The following GPR162 variants were observed in gnomAD, a reference collection of about 807,000 sequenced individuals.
The protein encoded by GPR162 is probable G protein-coupled receptor 162.
A neutral mutation model predicts 44.9 loss-of-function variants in GPR162; 26 were observed. The ratio of observed to expected loss-of-function variants is 0.58; its 90% CI spans 0.42 to 0.80. The LOEUF is 0.80. Ranked by LOEUF, GPR162 falls within the 30% of genes least tolerant of loss-of-function variation. The pLI is 0.00. For synonymous variants in GPR162, 363 were observed against 335.2 expected (o/e 1.08, Z -0.91); for missense variants, 704 against 802.3 (o/e 0.88, Z 1.48).
At position 6,826,372 on chromosome 12, in the gene GPR162, C is replaced by T. The variant is rs1555120073; in HGVS notation, c.1215+19C>T. The T allele has an allele frequency of 1.9e-6, 3 of 1,596,448 alleles. No homozygotes were observed. The highest frequency in any genetic ancestry group is 1.7e-5 in the Admixed American group (1 of 58,682). Reference sequence around the variant, plus strand: ...CTTACAGGTATGGAACTGGGGGATACATCTCCTACCCTTGGTGCCGCTCAT... The same window carrying T: ...CTTACAGGTATGGAACTGGGGGATATATCTCCTACCCTTGGTGCCGCTCAT... On this transcript the variant is annotated intron_variant, in intron 4 of 4. Transcript: ENST00000311268.
At chr12:6,826,069 C>T in intron 3 of GPR162, 127 bp from the exon 4 acceptor site, 1 of 711,528 alleles carries the variant, frequency 1.4e-6, no homozygotes, top group Non-Finnish European at 2.4e-6. Context: ...TAGCCACTCT[C>T]ACTGTCCTCT....
At position 6,823,530 on chromosome 12, in the gene GPR162, T is replaced by G; in HGVS notation, c.-369T>G. ...GGGCATCCAGAAGATTCCTGACTGG[T>G]CAAGAACCAGAGGCAAAAGAGACCT... On this transcript the variant is annotated 5_prime_UTR_variant, in exon 2 of 5. Coordinates refer to ENST00000311268, the MANE Select transcript of GPR162 (RefSeq NM_019858.2). 1 of 503,518 alleles carries G rather than the reference T, an allele frequency of 2.0e-6. No individual in the cohort carries two copies. Among genetic ancestry groups the G allele is most frequent in the East Asian group, 3.1e-5 (1 of 31,784 alleles). The allele number at this position is 503,518 out of a possible 1,614,324, so 31.2% of individuals were successfully genotyped here.
In GPR162 at chr12:6,822,011, C is replaced by G. The variant is rs782767869; in HGVS notation, c.-432+111C>G. 1 of 152,650 alleles carries G rather than the reference C, an allele frequency of 6.6e-6. No individual in the cohort carries two copies. Among genetic ancestry groups the G allele is most frequent in the African/African-American group, 2.4e-5 (1 of 41,508 alleles). 9.5% of individuals were successfully genotyped at this position (152,650 alleles called of 1,614,324 possible). ...TCCCCAGCCACCTGCTGTTTCTGCCCTGGAGAACCTGGAGGGGGACAGGAG... is the reference window on the plus strand; with the variant it reads ...TCCCCAGCCACCTGCTGTTTCTGCCGTGGAGAACCTGGAGGGGGACAGGAG... On this transcript the variant is annotated intron_variant, in intron 1 of 4. Transcript: ENST00000311268. The surrounding 1 kb of genome is among the most constrained non-coding windows in gnomAD (Gnocchi z 4.2).
rs782451355 is a variant in GPR162 at position 6,822,700 on chromosome 12, C to T, written c.-431-768C>T. On this transcript the variant is annotated intron_variant, in intron 1 of 4. Coordinates refer to ENST00000311268, the MANE Select transcript of GPR162 (RefSeq NM_019858.2). The surrounding 1 kb of genome is among the most constrained non-coding windows in gnomAD (Gnocchi z 4.2). ...TGAACATTTGGCTTTTCTTCTCAGC[C>T]TCCTATTCCCTGCTCCCTCCCTCCC... Among the ~76,000 whole-genome samples the T allele has an allele frequency of 1.3e-5, 2 of 152,232 alleles. No individual in the cohort carries two copies. The highest frequency in any genetic ancestry group is 2.1e-4 in the South Asian group (1 of 4,806).
chr12:6,826,344 C>A lies in GPR162; in HGVS notation c.1206C>A (p.His402Gln). Residue 402 changes from histidine to glutamine, a missense_variant, in exon 4 of 5, where the codon CAC becomes CAA. His to Gln is a conservative substitution (Grantham distance 24). Transcript: ENST00000311268. ...HMLFPPLERV[H>Q]YLQVPLSRRL... ...TCTTCCCTCCTCTTGAGAGAGTCCACTACTTACAGGTATGGAACTGGGGGA... is the reference window on the plus strand; with the variant it reads ...TCTTCCCTCCTCTTGAGAGAGTCCAATACTTACAGGTATGGAACTGGGGGA... 6.2e-7 allele frequency: 1 copy of A among 1,612,640 alleles called. No individual in the cohort carries two copies. Among genetic ancestry groups the A allele is most frequent in the Non-Finnish European group, 8.5e-7 (1 of 1,179,494 alleles).
At position 6,825,597 on chromosome 12, in the gene GPR162, C is replaced by A. The variant is rs782715686; in HGVS notation, c.981C>A (p.Cys327Ter). 6.3e-7 allele frequency: 1 copy of A among 1,599,284 alleles called. No individual in the cohort carries two copies. The highest frequency in any genetic ancestry group is 8.5e-7 in the Non-Finnish European group (1 of 1,173,126). The change falls in exon 3 of 5, where the codon TGC becomes TGA. Residue 327 changes from cysteine to a stop codon, truncating the protein, a stop_gained. Coordinates refer to ENST00000311268, the MANE Select transcript of GPR162 (RefSeq NM_019858.2). LOFTEE classifies it high-confidence loss of function. ...TGCTGCCCTCCTTCATCTGGTCCTG[C>A]GAGCGCTACCGCGCCGACGTGCGCA... is the stretch of plus-strand genomic sequence containing the variant. ...TLLLPSFIWSCERYRADVRTV... is the reference protein window; with the variant it reads ...TLLLPSFIWS
chr12:6,822,139 T>G lies in GPR162; in HGVS notation c.-432+239T>G, dbSNP rs1202186072. On this transcript the variant is annotated intron_variant, in intron 1 of 4. Transcript: ENST00000311268. The surrounding 1 kb of genome is among the most constrained non-coding windows in gnomAD (Gnocchi z 4.2). ...TTCCCACCTTCCTCTGATCTCTCCCTGTCCTTCACCTCCCTCTCTCTGTCC... is the reference window on the plus strand; with the variant it reads ...TTCCCACCTTCCTCTGATCTCTCCCGGTCCTTCACCTCCCTCTCTCTGTCC... Among the ~76,000 whole-genome samples, 1 of 152,126 alleles carries G rather than the reference T, an allele frequency of 6.6e-6. No homozygotes were observed. Among genetic ancestry groups the G allele is most frequent in the Non-Finnish European group, 1.5e-5 (1 of 68,010 alleles).
At chr12:6,826,421 G>A (rs1417314520) in intron 4 of GPR162, 68 bp downstream of exon 4, 1 of 1,439,594 alleles carries the variant, frequency 6.9e-7, no homozygotes. Flanking sequence ...TGTCTGTTAG[G>A]CACCCCAATC....
At chr12:6,825,181 G>A in intron 2 of GPR162, 1 of 541,802 alleles carries the variant, frequency 1.8e-6, no homozygotes, top group Admixed American at 3.1e-5. Flanking sequence ...ATCCCACAGG[G>A]CTCACCCCAC....
intron 1 of GPR162, among the ~76,000 whole-genome samples, chr12:6,823,156 A>G (rs1943305651): frequency 6.6e-6 from 1 of 152,198 alleles, no homozygotes; most frequent in Non-Finnish European, 1.5e-5. Context: ...ACTTGAAGAT[A>G]GGGGTGGAGT....
In GPR162 at chr12:6,825,510, G is replaced by A. The variant is rs768037896; in HGVS notation, c.894G>A (p.Ser298=). ...ILVVSFFSLK[S]DSAPPWMVLA... ...TGGTGAGCTTCTTCTCCCTCAAGTC[G>A]GACTCGGCGCCCCCCTGGATGGTGC... Residue 298 remains serine (S), a synonymous_variant, in exon 3 of 5, where the codon TCG becomes TCA. Transcript: ENST00000311268. 1.2e-5 allele frequency: 19 copies of A among 1,610,910 alleles called. 1 individual carries two copies. Among genetic ancestry groups the A allele is most frequent in the South Asian group, 4.4e-5 (4 of 90,612 alleles).
Position 6,822,545 on chromosome 12 carries a change from T to TC in GPR162, c.-432+648dup, listed in dbSNP as rs1432504168. Among the ~76,000 whole-genome samples the TC allele has an allele frequency of 6.6e-6, 1 of 152,064 alleles. No individual in the cohort carries two copies. Among genetic ancestry groups the TC allele is most frequent in the Non-Finnish European group, 1.5e-5 (1 of 67,990 alleles). On this transcript the variant is annotated intron_variant, in intron 1 of 4. Coordinates refer to ENST00000311268, the MANE Select transcript of GPR162 (RefSeq NM_019858.2). This position sits in a 1 kb window ranked among gnomAD's most constrained non-coding sequence, Gnocchi z 4.2. Reference sequence around the variant, plus strand: ...TTTCACCCGATTCCCTTACCCCCCTTCCCAGGGCTCACTGAAGCTCAGCAT... The same window carrying TC: ...TTTCACCCGATTCCCTTACCCCCCTTCCCCAGGGCTCACTGAAGCTCAGCAT...
chr12:6,824,590 G>C lies in GPR162; in HGVS notation c.692G>C (p.Gly231Ala). 2 of 1,609,122 alleles carry C rather than the reference G, an allele frequency of 1.2e-6. No homozygotes were observed. Among genetic ancestry groups the C allele is most frequent in the South Asian group, 2.2e-5 (2 of 90,284 alleles). The change falls in exon 2 of 5, where the codon GGG becomes GCG. Residue 231 changes from glycine (G) to alanine (A), a missense_variant. This residue lies in a region of GPR162 where 56 missense variants were observed against 47.2 expected (regional missense o/e 1.19). Coordinates refer to ENST00000311268, the MANE Select transcript of GPR162 (RefSeq NM_019858.2). ...GGGGGGACCAAAGCGGGTGGGCCAGGGGCCTTGGGTACCCGGCCAGCTTTT... is the reference window on the plus strand; with the variant it reads ...GGGGGGACCAAAGCGGGTGGGCCAGCGGCCTTGGGTACCCGGCCAGCTTTT... The part of the protein sequence containing the change: ...GGGGTKAGGP[G>A]ALGTRPAFEV...
Position 6,827,284 on chromosome 12 carries a change from C to T in GPR162, c.*80C>T. 1 of 1,200,278 alleles carries T rather than the reference C, an allele frequency of 8.3e-7. No homozygotes were observed. Among genetic ancestry groups the T allele is most frequent in the Non-Finnish European group, 1.2e-6 (1 of 867,194 alleles). 74.4% of individuals were successfully genotyped at this position (1,200,278 alleles called of 1,614,324 possible). A position where few individuals can be genotyped will look rare whatever the true frequency, so the allele number is the denominator to read the frequency against. ...TTCTGGCCGAGAGTAGGGCAGCTGCCTCCAGACTCTGGGGAGACGGGCGCT... is the reference window on the plus strand; with the variant it reads ...TTCTGGCCGAGAGTAGGGCAGCTGCTTCCAGACTCTGGGGAGACGGGCGCT... On this transcript the variant is annotated 3_prime_UTR_variant, in exon 5 of 5. Transcript: ENST00000311268.
intron 3 of GPR162, 33 bp downstream of exon 3, chr12:6,825,706 G>A: frequency 2.6e-6 from 4 of 1,524,492 alleles, no homozygotes; most frequent in Non-Finnish European, 3.6e-6. Context: ...GGCTTTCCTG[G>A]ACATCTGTCT....
intron 3 of GPR162, 21 bp from the exon 4 acceptor site, chr12:6,826,175 T>C (rs1555119994): frequency 1.2e-6 from 2 of 1,607,814 alleles, no homozygotes; most frequent in Admixed American, 3.4e-5. Flanking sequence ...CTGTAACCAC[T>C]CTGCCCATTT....
rs1364351751 is a variant in GPR162, at chr12:6,822,372, AG to A, written c.-432+475del. ...TGTACTGGGCTCCGGAGGGAAGCCAAGGGTGGGGGTGGACCAGGACCTCTTG... is the reference window on the plus strand; with the variant it reads ...TGTACTGGGCTCCGGAGGGAAGCCAAGGTGGGGGTGGACCAGGACCTCTTG... On this transcript the variant is annotated intron_variant, in intron 1 of 4. Transcript: ENST00000311268. This position sits in a 1 kb window ranked among gnomAD's most constrained non-coding sequence, Gnocchi z 4.2. 1.3e-5 allele frequency among the ~76,000 whole-genome samples: 2 copies of A among 152,120 alleles called. No homozygotes were observed. The highest frequency in any genetic ancestry group is 3.9e-4 in the East Asian group (2 of 5,182).
rs1467534598 is a variant in GPR162 at position 6,826,182 on chromosome 12, A to G, written c.1058-14A>G. The G allele has an allele frequency of 1.2e-6, 2 of 1,610,174 alleles. No homozygotes were observed. The highest frequency in any genetic ancestry group is 1.7e-6 in the Non-Finnish European group (2 of 1,177,740). On this transcript the variant is annotated splice_polypyrimidine_tract_variant and intron_variant, in intron 3 of 4. Coordinates refer to ENST00000311268, the MANE Select transcript of GPR162 (RefSeq NM_019858.2). ...TTCCCTACCTGTAACCACTCTGCCC[A>G]TTTTCTCTCCTAGATGGGGGCTGTG... is the stretch of plus-strand genomic sequence containing the variant.
rs781908051 is a variant in GPR162 at position 6,826,242 on chromosome 12, C to G, written c.1104C>G (p.Arg368=). The G allele has an allele frequency of 6.2e-7, 1 of 1,614,086 alleles. No homozygotes were observed. The highest frequency in any genetic ancestry group is 1.1e-5 in the South Asian group (1 of 91,092). The change falls in exon 4 of 5, where the codon CGC becomes CGG. Residue 368 remains arginine, a synonymous_variant. Transcript: ENST00000311268. ...CAGAGGGCCGAGTTTGCAAAGTTCGCTTTGATGCTAACGGAGCCACAGGAC... is the reference window on the plus strand; with the variant it reads ...CAGAGGGCCGAGTTTGCAAAGTTCGGTTTGATGCTAACGGAGCCACAGGAC... The part of the protein sequence containing the change: ...DYAEGRVCKV[R]FDANGATGPG...
Sources: gnomAD v4.1 joint callset for allele counts (sites outside exome capture counted in the v4.1 genomes callset) on GRCh38, gnomAD v4.1.1 for gene constraint, gnomAD v4.1.1 regional missense constraint, Gnocchi (gnomAD v3.1) non-coding constraint, MANE v1.5 for transcripts, NCBI Gene and HGNC (gene_info 2026-07-23, HGNC 2026-07-21) for gene names.